The following GRK5 variants were observed in gnomAD, a reference collection of about 807,000 sequenced individuals.
The protein encoded by GRK5 is G protein-coupled receptor kinase 5.
GRK5 carries 40 observed loss-of-function variants against 78.4 expected under a neutral mutation model. That is an observed-to-expected ratio of 0.51 (90% CI 0.40 to 0.66). The LOEUF (loss-of-function observed/expected upper bound fraction) is 0.66, where lower values mean the gene tolerates loss of function less well. GRK5 is among the 30% of genes least tolerant of loss of function. GRK5 has a pLI of 0.00. For synonymous variants in GRK5, 289 were observed against 296.8 expected, an observed-to-expected ratio of 0.97 and a Z score of 0.27; for missense variants, 598 against 759.9, an observed-to-expected ratio of 0.79 and a Z score of 2.50.
chr10:119,391,198 G>A (rs1010542149), intron 3 of GRK5, among the ~76,000 whole-genome samples: 3 of 152,226 alleles, frequency 2.0e-5, no homozygotes, highest in African/African-American at 7.2e-5. Flanking sequence ...CTTGACTGAG[G>A]CCTGAGAGGG....
chr10:119,399,422 T>C (rs1852111021), intron 4 of GRK5, among the ~76,000 whole-genome samples: 1 of 152,142 alleles, frequency 6.6e-6, no homozygotes, highest in East Asian at 1.9e-4. Context: ...CAGCACTGGC[T>C]CAGAAGACTT....
At chr10:119,285,296 G>A (rs547501028) in intron 1 of GRK5, among the ~76,000 whole-genome samples, 288 of 152,262 alleles carry the variant, frequency 1.9e-3, no homozygotes, top group Non-Finnish European at 3.4e-3. Flanking sequence ...TAAAGAAACT[G>A]TCACTTAAAG....
chr10:119,330,523 T>G (rs1430914351), intron 2 of GRK5, among the ~76,000 whole-genome samples: 1 of 152,092 alleles, frequency 6.6e-6, no homozygotes, highest in Non-Finnish European at 1.5e-5. Flanking sequence ...GGGGGTTAGG[T>G]TTCAACATGT....
chr10:119,230,850 AAAAG>A (rs1342944191), intron 1 of GRK5, among the ~76,000 whole-genome samples: 1 of 151,012 alleles, frequency 6.6e-6, no homozygotes, highest in African/African-American at 2.4e-5. Flanking sequence ...AAAAAAAAAA[AAAAG>A]AGCCACTGAG....
intron 1 of GRK5, among the ~76,000 whole-genome samples, chr10:119,248,985 C>G (rs933967059): frequency 1.3e-5 from 2 of 152,072 alleles, no homozygotes; most frequent in Admixed American, 6.6e-5. Flanking sequence ...AATGGAGATA[C>G]TAGCTGGGCG....
At chr10:119,356,216 C>T (rs942996041) in intron 2 of GRK5, among the ~76,000 whole-genome samples, 1 of 152,204 alleles carries the variant, frequency 6.6e-6, no homozygotes, top group Non-Finnish European at 1.5e-5. Flanking sequence ...CACATTCTGT[C>T]AGGCAGAGTA....
intron 4 of GRK5, among the ~76,000 whole-genome samples, chr10:119,415,476 G>C (rs1852431881): frequency 6.6e-6 from 1 of 152,192 alleles, no homozygotes; most frequent in Non-Finnish European, 1.5e-5. Flanking sequence ...CTGATGCTGT[G>C]TGGTGCAGAA....
chr10:119,368,285 C>T (rs918509128), intron 2 of GRK5, among the ~76,000 whole-genome samples: 4 of 152,236 alleles, frequency 2.6e-5, no homozygotes, highest in African/African-American at 9.6e-5. Context: ...CCTTGGCGCC[C>T]CTCAGAGCCC....
intron 11 of GRK5, 25 bp downstream of exon 11, chr10:119,442,113 A>C (rs1853048603): frequency 6.3e-7 from 1 of 1,599,804 alleles, no homozygotes; most frequent in Non-Finnish European, 8.6e-7. Flanking sequence ...GCCTGTGTCA[A>C]TGCACCTTGA....
chr10:119,216,768 C>T lies in GRK5; in HGVS notation c.52+8799C>T, dbSNP rs1246154726. Among the ~76,000 whole-genome samples the T allele has an allele frequency of 5.9e-5, 9 of 152,250 alleles. No homozygotes were observed. The South Asian group carries it at 1.2e-3, about 21-fold the overall frequency. On this transcript the variant is annotated intron_variant, in intron 1 of 15. Coordinates refer to ENST00000392870, the MANE Select transcript of GRK5 (RefSeq NM_005308.3). ...AGGAGTTCAAGATCAGCCTGACCAC[C>T]GTGGTGAAAACCCATCTCTACTAAA...
At chr10:119,354,183 C>T (rs1258012704) in intron 2 of GRK5, among the ~76,000 whole-genome samples, 1 of 151,638 alleles carries the variant, frequency 6.6e-6, no homozygotes, top group Non-Finnish European at 1.5e-5. Flanking sequence ...GAAATGATTG[C>T]TACAGTCAAG....
intron 1 of GRK5, among the ~76,000 whole-genome samples, chr10:119,234,255 G>C (rs1848881223): frequency 6.6e-6 from 1 of 152,218 alleles, no homozygotes; most frequent in African/African-American, 2.4e-5. Flanking sequence ...GGTCACAGTT[G>C]TTGATGGAAG....
Position 119,267,230 on chromosome 10 carries a change from C to G in GRK5, c.52+59261C>G, listed in dbSNP as rs1016208531. The stretch of plus-strand genomic sequence containing the variant: ...TGCACTCCAGCCTGGGCAACAAGAG[C>G]GAAACTCTGTCTCAAAAAAAAAAAA... On this transcript the variant is annotated intron_variant, in intron 1 of 15. Transcript: ENST00000392870. The surrounding 1 kb of genome is among the most constrained non-coding windows in gnomAD (Gnocchi z 4.1). 6.6e-6 allele frequency among the ~76,000 whole-genome samples: 1 copy of G among 151,706 alleles called. No homozygotes were observed. The highest frequency in any genetic ancestry group is 1.5e-5 in the Non-Finnish European group (1 of 67,936).
rs1156719466 is a variant in GRK5 at position 119,431,269 on chromosome 10, G to A, written c.598-118G>A. 8.2e-7 allele frequency: 1 copy of A among 1,217,090 alleles called. No individual in the cohort carries two copies. Among genetic ancestry groups the A allele is most frequent in the Non-Finnish European group, 1.1e-6 (1 of 887,796 alleles). The allele number at this position is 1,217,090 out of a possible 1,614,324, so 75.4% of individuals were successfully genotyped here. A position where few individuals can be genotyped will look rare whatever the true frequency, so the allele number is the denominator to read the frequency against. On this transcript the variant is annotated intron_variant, in intron 7 of 15. Coordinates refer to ENST00000392870, the MANE Select transcript of GRK5 (RefSeq NM_005308.3). This position sits in a 1 kb window ranked among gnomAD's most constrained non-coding sequence, Gnocchi z 4.8. ...CCTGGAGCACTCATGAAGCCAGGCA[G>A]GGCCGGCTCTGACCCCATCCATTCT...
intron 2 of GRK5, among the ~76,000 whole-genome samples, chr10:119,335,341 G>A (rs1000138948): frequency 3.3e-5 from 5 of 152,036 alleles, no homozygotes; most frequent in African/African-American, 1.2e-4. Context: ...GCAGGTGTGA[G>A]CCACTCTGCC....
chr10:119,423,094 C>A (rs530229787), intron 4 of GRK5, 72 bp from the exon 5 acceptor site: 3 of 1,006,550 alleles, frequency 3.0e-6, no homozygotes, highest in Non-Finnish European at 4.7e-6. Context: ...CTTGGCCCAA[C>A]ACCTGTGGGC....
In GRK5 at chr10:119,267,637, G is replaced by T. The variant is rs1345845290; in HGVS notation, c.53-58879G>T. Reference sequence around the variant, plus strand: ...GATAGGCAATAAAAGCACCGAACCAGCCTTAGGTTCTATAGCAAGGAGGTC... The same window carrying T: ...GATAGGCAATAAAAGCACCGAACCATCCTTAGGTTCTATAGCAAGGAGGTC... On this transcript the variant is annotated intron_variant, in intron 1 of 15. Coordinates refer to ENST00000392870, the MANE Select transcript of GRK5 (RefSeq NM_005308.3). The surrounding 1 kb of genome is among the most constrained non-coding windows in gnomAD (Gnocchi z 4.1). Among the ~76,000 whole-genome samples, 3 of 152,290 alleles carry T rather than the reference G, an allele frequency of 2.0e-5. No individual in the cohort carries two copies. Among genetic ancestry groups the T allele is most frequent in the Admixed American group, 2.0e-4 (3 of 15,306 alleles).
intron 2 of GRK5, 129 bp from the exon 3 acceptor site, chr10:119,380,686 G>C (rs574349405): frequency 7.1e-5 from 43 of 602,276 alleles, no homozygotes; most frequent in African/African-American, 7.1e-4. Context: ...AATGAAGAAG[G>C]CGTTCTGAGA....
chr10:119,402,205 T>C (rs1852162617), intron 4 of GRK5, among the ~76,000 whole-genome samples: 1 of 152,216 alleles, frequency 6.6e-6, no homozygotes, highest in Admixed American at 6.5e-5. Flanking sequence ...CCTGCGTACA[T>C]TCCCATCCCT....
Sources: allele counts gnomAD v4.1 joint callset (sites outside exome capture counted in the v4.1 genomes callset), GRCh38; gene constraint gnomAD v4.1.1; non-coding constraint Gnocchi (gnomAD v3.1); transcripts MANE v1.5; gene names NCBI Gene and HGNC (gene_info 2026-07-23, HGNC 2026-07-21).